MUC13: variants seen among roughly 807,000 people sequenced by gnomAD.
MUC13 encodes mucin-13.
MUC13 carries 32 observed loss-of-function variants against 48.3 expected under a neutral mutation model. That is an observed-to-expected ratio of 0.66 (90% CI 0.50 to 0.89). The LOEUF (loss-of-function observed/expected upper bound fraction) is 0.89, where lower values mean the gene tolerates loss of function less well. Ranked by LOEUF, MUC13 falls within the 40% of genes least tolerant of loss-of-function variation. The probability of loss-of-function intolerance (pLI) is 0.00; values close to 1 mark genes in which losing one functional copy is unlikely to be tolerated. For synonymous variants in MUC13, 199 were observed against 224.9 expected (o/e 0.88, Z 1.03); for missense variants, 571 against 622.8 (o/e 0.92, Z 0.88).
chr3:124,925,283 A>G (rs1272402481), intron 2 of MUC13, among the ~76,000 whole-genome samples: 5 of 152,248 alleles, frequency 3.3e-5, no homozygotes, highest in Non-Finnish European at 7.3e-5. Flanking sequence ...CTGTGGAGAC[A>G]GTAAAAAGAT....
chr3:124,920,315 C>CAAGTA lies in MUC13; in HGVS notation c.745-31_745-27dup, dbSNP rs148010619. On this transcript the variant is annotated intron_variant, in intron 4 of 11. Transcript: ENST00000616727. ...CTGTGGAGGAAAACAGATTTAATAA[C>CAAGTA]AAGTAAAAAAAATTTTTTTTTCACA... is the stretch of plus-strand genomic sequence containing the variant. 300 of 1,561,870 alleles carry CAAGTA rather than the reference C, an allele frequency of 1.9e-4. 1 individual carries two copies. The African/African-American group carries it at 3.8e-3, about 20-fold the overall frequency.
intron 5 of MUC13, among the ~76,000 whole-genome samples, chr3:124,919,629 G>A (rs996352120): frequency 9.9e-5 from 15 of 152,242 alleles, no homozygotes; most frequent in East Asian, 7.7e-4. Flanking sequence ...GCCTAAGTAC[G>A]TGTGTATTAA....
chr3:124,915,328 A>C (rs967964896), intron 6 of MUC13, among the ~76,000 whole-genome samples: 30 of 152,230 alleles, frequency 2.0e-4, no homozygotes, highest in Non-Finnish European at 3.8e-4. Context: ...GAATTGCTTT[A>C]GCCAATTGGA....
chr3:124,910,473 C>T lies in MUC13; in HGVS notation c.1279G>A (p.Gly427Ser). Residue 427 changes from glycine (G) to serine (S), a missense_variant, in exon 10 of 12, where the codon GGC becomes AGC. By Grantham distance (56) the Gly-to-Ser change is moderately conservative (BLOSUM62 0). Coordinates refer to ENST00000616727, the MANE Select transcript of MUC13 (RefSeq NM_033049.4). ...AGAATGACAATGCCAGCGATGGTGC[C>T]CACAATAGTGAGGATCAGCTGAAAT... ...DKFQLILTIV[G>S]TIAGIVILSM... 6.2e-7 allele frequency: 1 copy of T among 1,614,032 alleles called. No homozygotes were observed. Among genetic ancestry groups the T allele is most frequent in the Non-Finnish European group, 8.5e-7 (1 of 1,179,978 alleles).
At chr3:124,930,520 A>G (rs1935777400) in intron 1 of MUC13, among the ~76,000 whole-genome samples, 1 of 152,224 alleles carries the variant, frequency 6.6e-6, no homozygotes, top group South Asian at 2.1e-4. Context: ...TGTTCAATCT[A>G]TAGATAACAG....
At chr3:124,917,674 A>G (rs1379990478) in intron 5 of MUC13, among the ~76,000 whole-genome samples, 1 of 151,332 alleles carries the variant, frequency 6.6e-6, no homozygotes, top group African/African-American at 2.4e-5. Context: ...AGGGAGCCCA[A>G]AAAATGTAAT....
chr3:124,932,561 G>T (rs1373540273), intron 1 of MUC13, among the ~76,000 whole-genome samples: 1 of 150,622 alleles, frequency 6.6e-6, no homozygotes, highest in East Asian at 1.9e-4. Flanking sequence ...AGTGAAACTC[G>T]GTCTCAAAAA....
At chr3:124,923,457 T>C in intron 3 of MUC13, 70 bp downstream of exon 3, 1 of 1,519,650 alleles carries the variant, frequency 6.6e-7, no homozygotes. Context: ...TTTGCCATCA[T>C]TTTGAGTTTT....
rs1935461511 is a variant in MUC13, at chr3:124,913,599, G to C, written c.1047C>G (p.Asp349Glu). Residue 349 changes from aspartate to glutamate, a missense_variant, in exon 7 of 12, where the codon GAC becomes GAG. Physicochemically the swap from Asp to Glu is conservative, Grantham distance 45 (BLOSUM62 2). Transcript: ENST00000616727. ...GGCTCTGTGGGTTAGGCCTTTGCAGGTCAGATTTGCAATCGCATGCTAAAC... is the reference window on the plus strand; with the variant it reads ...GGCTCTGTGGGTTAGGCCTTTGCAGCTCAGATTTGCAATCGCATGCTAAAC... ...LNGLACDCKS[D>E]LQRPNPQSPF... is the part of the protein sequence containing the mutation. 2 of 1,614,198 alleles carry C rather than the reference G, an allele frequency of 1.2e-6. No homozygotes were observed.
chr3:124,909,133 G>C (rs1229825597), intron 10 of MUC13, among the ~76,000 whole-genome samples: 2 of 151,218 alleles, frequency 1.3e-5, no homozygotes, highest in Non-Finnish European at 2.9e-5. Flanking sequence ...CAGCCTGGGC[G>C]ACAGACCAAG....
chr3:124,927,988 T>C lies in MUC13; in HGVS notation c.58A>G (p.Asn20Asp). Residue 20 changes from asparagine (N) to aspartate (D), a missense_variant, in exon 2 of 12, where the codon AAC becomes GAC. Physicochemically the swap from Asn to Asp is conservative, Grantham distance 23. Coordinates refer to ENST00000616727, the MANE Select transcript of MUC13 (RefSeq NM_033049.4). ...LALLSVNTAT[N>D]QGNSADAVTT... ...ACAGCATCAGCTGAGTTGCCTTGGT[T>C]GGTGGCTGGAGGAACAAAGATACCA... 5.8e-6 allele frequency: 9 copies of C among 1,544,136 alleles called. No homozygotes were observed. The highest frequency in any genetic ancestry group is 7.8e-6 in the Non-Finnish European group (9 of 1,148,232).
At chr3:124,925,194 C>T (rs1360040065) in intron 2 of MUC13, among the ~76,000 whole-genome samples, 4 of 152,156 alleles carry the variant, frequency 2.6e-5, no homozygotes, top group Admixed American at 1.3e-4. Flanking sequence ...GAAATGCATG[C>T]TACTATGTAA....
intron 3 of MUC13, among the ~76,000 whole-genome samples, chr3:124,922,996 TG>T (rs1559999820): frequency 6.6e-6 from 1 of 151,550 alleles, no homozygotes; most frequent in African/African-American, 2.4e-5. Flanking sequence ...TATGAGCATT[TG>T]GGGGCCTTTT....
intron 6 of MUC13, 93 bp from the exon 7 acceptor site, chr3:124,913,774 T>C: frequency 6.7e-7 from 1 of 1,496,892 alleles, no homozygotes; most frequent in Non-Finnish European, 9.2e-7. Context: ...CTGTTATACT[T>C]TGCCTTTTAA....
At position 124,912,650 on chromosome 3, in the gene MUC13, T is replaced by G. The variant is rs144510036; in HGVS notation, c.1214+461A>C. ...AGCATAGAGAATGCTCAAAAACTAT[T>G]GATGATGCTGGGCATGGTGGCTCAC... On this transcript the variant is annotated intron_variant, in intron 8 of 11. Coordinates refer to ENST00000616727, the MANE Select transcript of MUC13 (RefSeq NM_033049.4). Among the ~76,000 whole-genome samples the G allele has an allele frequency of 3.2e-3, 491 of 152,210 alleles. 2 individuals are homozygous for G. The highest frequency in any genetic ancestry group is 0.011 in the African/African-American group (463 of 41,520).
rs753506379 is a variant in MUC13, at chr3:124,927,694, A to T, written c.352T>A (p.Ser118Thr). The T allele has an allele frequency of 6.2e-7, 1 of 1,614,110 alleles. No homozygotes were observed. The highest frequency in any genetic ancestry group is 1.3e-5 in the African/African-American group (1 of 74,944). Residue 118 changes from serine to threonine, a missense_variant, in exon 2 of 12, where the codon TCT (serine) becomes ACT (threonine). Physicochemically the swap from Ser to Thr is moderately conservative, Grantham distance 58 (BLOSUM62 1). Coordinates refer to ENST00000616727, the MANE Select transcript of MUC13 (RefSeq NM_033049.4). ...GGAGATGAAGCGGTGATTATGTCAG[A>T]GGTAGCTAATGAATTTACATTTGTG... ...STTNVNSLAT[S>T]DIITASSPND...
Position 124,913,095 on chromosome 3 carries a change from A to C in MUC13, c.1214+16T>G. On this transcript the variant is annotated intron_variant, in intron 8 of 11. Coordinates refer to ENST00000616727, the MANE Select transcript of MUC13 (RefSeq NM_033049.4). ...CTCCAGCTGTGGCAAGACAAAAACA[A>C]AGTTATTTTTCTTACTTTTGGCAGT... The C allele has an allele frequency of 6.2e-7, 1 of 1,612,780 alleles. No homozygotes were observed. Among genetic ancestry groups the C allele is most frequent in the Non-Finnish European group, 8.5e-7 (1 of 1,179,240 alleles).
intron 6 of MUC13, 115 bp from the exon 7 acceptor site, chr3:124,913,796 G>A: frequency 8.5e-7 from 1 of 1,170,640 alleles, no homozygotes; most frequent in South Asian, 1.4e-5. Flanking sequence ...AAGTTTTGGG[G>A]CCAAGTGCAG....
chr3:124,921,224 A>T (rs1309013053), intron 4 of MUC13, among the ~76,000 whole-genome samples: 1 of 151,570 alleles, frequency 6.6e-6, no homozygotes, highest in Non-Finnish European at 1.5e-5. Context: ...ATCTTGGGTC[A>T]CTGCAACCTC....
Sources: gnomAD v4.1 joint callset for allele counts (sites outside exome capture counted in the v4.1 genomes callset) on GRCh38, gnomAD v4.1.1 for gene constraint, MANE v1.5 for transcripts, NCBI Gene and HGNC (gene_info 2026-07-23, HGNC 2026-07-21) for gene names.